Variants in TMEM87A observed in about 807,000 individuals in gnomAD.
The protein encoded by TMEM87A is transmembrane protein 87A, also known as Golgi-pH regulating cation channel.
A neutral mutation model predicts 90.0 loss-of-function variants in TMEM87A; 50 were observed. The observed-to-expected ratio is 0.56, with a 90% CI of 0.44 to 0.70. The LOEUF (loss-of-function observed/expected upper bound fraction) is 0.70, where lower values mean the gene tolerates loss of function less well. Among genes scored for constraint, TMEM87A ranks in the 30% least tolerant of loss-of-function variants. The pLI, the probability that TMEM87A is intolerant of heterozygous loss-of-function variation, is 0.00. For synonymous variants in TMEM87A, 226 were observed against 226.7 expected (o/e 1.00, Z 0.03); for missense variants, 577 against 660.5 (o/e 0.87, Z 1.39).
intron 6 of TMEM87A, among the ~76,000 whole-genome samples, chr15:42,256,119 G>A (rs1011696157): frequency 6.6e-6 from 1 of 152,006 alleles, no homozygotes; most frequent in Non-Finnish European, 1.5e-5. Flanking sequence ...AATGAAATAG[G>A]ATGGAGGTAC....
intron 19 of TMEM87A, 95 bp from the exon 20 acceptor site, chr15:42,211,844 G>T: frequency 1.8e-6 from 2 of 1,108,432 alleles, no homozygotes; most frequent in Non-Finnish European, 2.6e-6. Context: ...CATCTTCCAC[G>T]AGTACTTTAT....
rs748252715 is a variant in TMEM87A, at chr15:42,220,070, T to G, written c.1469A>C (p.Glu490Ala). 7.5e-6 allele frequency: 12 copies of G among 1,599,412 alleles called. No homozygotes were observed. The highest frequency in any genetic ancestry group is 3.4e-5 in the South Asian group (3 of 87,282). Residue 490 changes from glutamate to alanine, a missense_variant, in exon 16 of 20, where the codon GAA becomes GCA. Physicochemically the swap from Glu to Ala is moderately radical, Grantham distance 107 (BLOSUM62 -1). Coordinates refer to ENST00000389834, the MANE Select transcript of TMEM87A (RefSeq NM_015497.5). The stretch of plus-strand genomic sequence containing the variant: ...GTGAATTTTATTATTACCAAAGCTT[T>G]CTTTCAGCATAGGCTCCTTTTGTTC... ...EDEQKEPMLK[E>A]SFEGMKMRST...
intron 7 of TMEM87A, among the ~76,000 whole-genome samples, chr15:42,241,893 A>C (rs2140948509): frequency 6.6e-6 from 1 of 151,846 alleles, no homozygotes. Flanking sequence ...GGTTGTAAAA[A>C]CACAATGTAC....
chr15:42,236,192 T>C (rs2050766919), intron 10 of TMEM87A, 128 bp downstream of exon 10: 1 of 832,538 alleles, frequency 1.2e-6, no homozygotes, highest in Admixed American at 2.1e-5. Flanking sequence ...AAATTTCAAA[T>C]ACCTTTCTTG....
rs975322666 is a variant in TMEM87A at position 42,226,307 on chromosome 15, C to T, written c.1403+499G>A. 8.1e-5 allele frequency among the ~76,000 whole-genome samples: 12 copies of T among 148,170 alleles called. No homozygotes were observed. In the East Asian group the frequency reaches 1.6e-3, roughly 19 times the overall value. On this transcript the variant is annotated intron_variant, in intron 15 of 19. Coordinates refer to ENST00000389834, the MANE Select transcript of TMEM87A (RefSeq NM_015497.5). ...GAGCCACCACGCCCAGCCCCTGTGT[C>T]GGTATTTTTTTTTTTTTTTTGGCAA... is the stretch of plus-strand genomic sequence containing the variant.
chr15:42,222,321 T>G (rs1005979361), intron 15 of TMEM87A, among the ~76,000 whole-genome samples: 3 of 152,034 alleles, frequency 2.0e-5, no homozygotes, highest in Non-Finnish European at 1.5e-5. Context: ...CCTCCCAAAG[T>G]GCTGGGATTA....
chr15:42,220,906 C>T (rs965416176), intron 15 of TMEM87A, among the ~76,000 whole-genome samples: 15 of 152,298 alleles, frequency 9.8e-5, no homozygotes, highest in South Asian at 4.1e-4. Flanking sequence ...ATTCTCCTGC[C>T]TCAGCTTCCC....
intron 15 of TMEM87A, among the ~76,000 whole-genome samples, chr15:42,225,194 C>A (rs932780538): frequency 4.6e-5 from 7 of 151,940 alleles, no homozygotes; most frequent in African/African-American, 7.3e-5. Flanking sequence ...CTATTTCAAT[C>A]TTTCATTGGG....
At chr15:42,217,459 T>C (rs58693453) in intron 19 of TMEM87A, among the ~76,000 whole-genome samples, 117 of 152,384 alleles carry the variant, frequency 7.7e-4, no homozygotes, top group African/African-American at 2.7e-3. Context: ...TTTTTCCTTA[T>C]TATTTTTGCC....
At chr15:42,255,173 G>A (rs1019750455) in intron 6 of TMEM87A, among the ~76,000 whole-genome samples, 4 of 151,714 alleles carry the variant, frequency 2.6e-5, no homozygotes, top group East Asian at 1.9e-4. Flanking sequence ...TGCTCTTGTC[G>A]CCCAGGCTGG....
intron 15 of TMEM87A, 167 bp downstream of exon 15, chr15:42,226,639 T>C (rs2050599796): frequency 1.6e-6 from 1 of 618,622 alleles, no homozygotes. Context: ...ATGCCAAAAA[T>C]CATGAAGTTA....
At chr15:42,228,571 C>G in intron 13 of TMEM87A, 141 bp downstream of exon 13, 4 of 654,668 alleles carry the variant, frequency 6.1e-6, no homozygotes, top group Non-Finnish European at 1.1e-5. Flanking sequence ...ACAGATCCTT[C>G]TGAGAATTTG....
At position 42,267,946 on chromosome 15, in the gene TMEM87A, C is replaced by G; in HGVS notation, c.291+1G>C. ...AAACTCTGTAATTTTATGTTCCTTA[C>G]CTTGAAGTTATAGATTTCATTGTAA... is the stretch of plus-strand genomic sequence containing the variant. On this transcript the variant is annotated splice_donor_variant, in intron 3 of 19. Coordinates refer to ENST00000389834, the MANE Select transcript of TMEM87A (RefSeq NM_015497.5). LOFTEE classifies it high-confidence loss of function. 6.2e-7 allele frequency: 1 copy of G among 1,610,460 alleles called. No homozygotes were observed. The highest frequency in any genetic ancestry group is 8.5e-7 in the Non-Finnish European group (1 of 1,178,012).
intron 5 of TMEM87A, 89 bp downstream of exon 5, chr15:42,261,107 C>G: frequency 6.5e-7 from 1 of 1,540,236 alleles, no homozygotes; most frequent in Non-Finnish European, 8.9e-7. Flanking sequence ...GTGCAGCACT[C>G]CCTCCTTAGA....
At chr15:42,227,608 A>AT in intron 14 of TMEM87A, 103 bp downstream of exon 14, 2 of 1,034,218 alleles carry the variant, frequency 1.9e-6, no homozygotes, top group South Asian at 1.4e-5. Context: ...CCTAGCTCTA[A>AT]TTTTTTATAA....
Position 42,273,343 on chromosome 15 carries a change from G to C in TMEM87A, c.56C>G (p.Ala19Gly). ...VLPVILLLLG[A>G]HPSPLSFFSA... is the part of the protein sequence containing the mutation. ...GAAAAACGACAGTGGTGACGGGTGA[G>C]CTCCCAGAAGCAGAAGAATGACAGG... Residue 19 changes from alanine to glycine, a missense_variant, in exon 1 of 20, where the codon GCT (alanine) becomes GGT (glycine). Ala to Gly is a moderately conservative substitution (Grantham distance 60). Transcript: ENST00000389834. 1 of 1,614,118 alleles carries C rather than the reference G, an allele frequency of 6.2e-7. No individual in the cohort carries two copies. Among genetic ancestry groups the C allele is most frequent in the Non-Finnish European group, 8.5e-7 (1 of 1,180,034 alleles).
chr15:42,240,103 T>C (rs1267552787), intron 7 of TMEM87A, among the ~76,000 whole-genome samples: 2 of 152,208 alleles, frequency 1.3e-5, no homozygotes, highest in African/African-American at 4.8e-5. Context: ...CATATATACT[T>C]TTCCTTACAA....
chr15:42,237,852 G>A (rs1054508356), intron 8 of TMEM87A, among the ~76,000 whole-genome samples: 1 of 152,048 alleles, frequency 6.6e-6, no homozygotes, highest in African/African-American at 2.4e-5. Flanking sequence ...GTCTTAACAA[G>A]TTACAAAAAT....
chr15:42,267,421 C>A (rs2051427759), intron 3 of TMEM87A, among the ~76,000 whole-genome samples: 1 of 152,120 alleles, frequency 6.6e-6, no homozygotes, highest in African/African-American at 2.4e-5. Context: ...CTGAAAAGGC[C>A]ATTAAAATAC....
Sources: allele counts gnomAD v4.1 joint callset (sites outside exome capture counted in the v4.1 genomes callset), GRCh38; gene constraint gnomAD v4.1.1; transcripts MANE v1.5; gene names NCBI Gene and HGNC (gene_info 2026-07-23, HGNC 2026-07-21).